PSMA6: variants seen among roughly 807,000 people sequenced by gnomAD.
PSMA6 encodes proteasome subunit alpha type-6.
For synonymous variants in PSMA6, 88 were observed against 97.7 expected (o/e 0.90, Z 0.59); for missense variants, 170 against 294.8 (o/e 0.58, Z 3.10).
intron 3 of PSMA6, among the ~76,000 whole-genome samples, chr14:35,309,528 A>G (rs1474668293): frequency 6.6e-6 from 1 of 152,118 alleles, no homozygotes; most frequent in East Asian, 1.9e-4. Flanking sequence ...ACGGTGGCTC[A>G]CACCTGTAAT....
chr14:35,316,876 A>T (rs1057183635), intron 6 of PSMA6: 8 of 172,506 alleles, frequency 4.6e-5, no homozygotes, highest in Admixed American at 2.4e-4. Context: ...AAAAAAAATA[A>T]AAAATAAATG....
intron 1 of PSMA6, among the ~76,000 whole-genome samples, chr14:35,293,638 A>G (rs1220438957): frequency 2.0e-5 from 3 of 152,260 alleles, no homozygotes; most frequent in African/African-American, 4.8e-5. Flanking sequence ...TGCATAGTGT[A>G]TATAATGTAG....
At chr14:35,292,719 C>G in intron 1 of PSMA6, 167 bp downstream of exon 1, 1 of 1,289,078 alleles carries the variant, frequency 7.8e-7, no homozygotes, top group Non-Finnish European at 1.0e-6. Context: ...GCACCCCCGT[C>G]TGGACGCAGG....
At chr14:35,291,845 A>AAAAAAAAAC (rs1555335877), upstream of PSMA6, among the ~76,000 whole-genome samples, 2 of 146,450 alleles carry the variant, frequency 1.4e-5, no homozygotes, top group African/African-American at 2.5e-5. Context: ...AAAAAAAAAA[A>AAAAAAAAAC]AAGACTAAAA....
chr14:35,308,768 G>T (rs768307561), intron 2 of PSMA6, 146 bp from the exon 3 acceptor site: 1 of 580,986 alleles, frequency 1.7e-6, no homozygotes, highest in African/African-American at 1.9e-5. Flanking sequence ...ATGATCAGAA[G>T]ACATTTATTA....
upstream of PSMA6, among the ~76,000 whole-genome samples, chr14:35,290,462 A>G (rs1483044208): frequency 6.6e-6 from 1 of 152,210 alleles, no homozygotes; most frequent in Admixed American, 6.5e-5. Context: ...TGTGCCAGAG[A>G]TGCTGTATGC....
chr14:35,298,743 A>G (rs988385517), intron 1 of PSMA6, among the ~76,000 whole-genome samples: 2 of 151,618 alleles, frequency 1.3e-5, no homozygotes, highest in Non-Finnish European at 2.9e-5. Context: ...TATTATTATT[A>G]TTATTTTGGA....
At chr14:35,285,906 G>A (rs891040474) in intron 1 of PSMA6, among the ~76,000 whole-genome samples, 2 of 152,200 alleles carry the variant, frequency 1.3e-5, no homozygotes, top group African/African-American at 4.8e-5. Context: ...AAGACAGAGT[G>A]AGTTTCACTT....
chr14:35,290,631 G>A (rs2051467237), upstream of PSMA6, among the ~76,000 whole-genome samples: 1 of 152,156 alleles, frequency 6.6e-6, no homozygotes, highest in Admixed American at 6.6e-5. Context: ...TACATTAAAG[G>A]AGTAAGAATC....
chr14:35,298,935 T>C (rs2051654001), intron 1 of PSMA6, among the ~76,000 whole-genome samples: 1 of 152,104 alleles, frequency 6.6e-6, no homozygotes, highest in Non-Finnish European at 1.5e-5. Context: ...AGTTTCACCA[T>C]GTTGGCCAGG....
chr14:35,313,480 T>C (rs1003619795), intron 5 of PSMA6: 10 of 154,848 alleles, frequency 6.5e-5, no homozygotes, highest in Non-Finnish European at 1.0e-4. Context: ...AAAGCCATTC[T>C]GAAGATGCTA....
At chr14:35,311,231 G>T (rs944314145) in intron 4 of PSMA6, among the ~76,000 whole-genome samples, 1 of 152,194 alleles carries the variant, frequency 6.6e-6, no homozygotes, top group Non-Finnish European at 1.5e-5. Context: ...CCTGCATCAG[G>T]CATCTTAATA....
chr14:35,299,327 C>CTTTTTTTTTTTTTTTTTT (rs71445906), intron 1 of PSMA6, among the ~76,000 whole-genome samples: 3,999 of 65,844 alleles, frequency 0.061, 1,268 homozygotes, highest in Non-Finnish European at 0.085. Context: ...TGCCCAGCCT[C>CTTTTTTTTTTTTTTTTTT]TTTTTTTTTT....
chr14:35,292,971 A>C (rs908428851), intron 1 of PSMA6: 1 of 461,248 alleles, frequency 2.2e-6, no homozygotes. Context: ...TCTGTGGTTA[A>C]TTCCACACAG....
intron 1 of PSMA6, among the ~76,000 whole-genome samples, chr14:35,301,451 G>A (rs1594384437): frequency 6.6e-6 from 1 of 151,790 alleles, no homozygotes; most frequent in African/African-American, 2.4e-5. Context: ...AGGTTGCGGC[G>A]AGCCAAGATT....
intron 1 of PSMA6, among the ~76,000 whole-genome samples, chr14:35,282,461 A>G (rs148483854): frequency 2.6e-5 from 4 of 151,996 alleles, no homozygotes; most frequent in African/African-American, 9.7e-5. Flanking sequence ...GGGTCTCACT[A>G]TGTTTCCCAG....
At chr14:35,282,199 T>G (rs1357233336) in intron 1 of PSMA6, among the ~76,000 whole-genome samples, 3 of 152,090 alleles carry the variant, frequency 2.0e-5, no homozygotes, top group Admixed American at 1.3e-4. Flanking sequence ...AAATTGGAAG[T>G]AACTATTCAA....
At chr14:35,291,420 C>T (rs1242128402), upstream of PSMA6, among the ~76,000 whole-genome samples, 2 of 152,128 alleles carry the variant, frequency 1.3e-5, no homozygotes, top group East Asian at 1.9e-4. Flanking sequence ...CGGGGTTTCA[C>T]CGTGTTAGCC....
At chr14:35,293,154 T>C (rs2051521166) in intron 1 of PSMA6, 1 of 379,914 alleles carries the variant, frequency 2.6e-6, no homozygotes, top group South Asian at 1.9e-5. Flanking sequence ...TCAAGACATC[T>C]TTGGGAATCT....
Sources: gnomAD v4.1 joint callset for allele counts (sites outside exome capture counted in the v4.1 genomes callset) on GRCh38, gnomAD v4.1.1 for gene constraint, MANE v1.5 for transcripts, NCBI Gene and HGNC (gene_info 2026-07-23, HGNC 2026-07-21) for gene names.